TAFA1: variants seen among roughly 807,000 people sequenced by gnomAD.
The protein encoded by TAFA1 is chemokine-like protein TAFA-1.
A neutral mutation model predicts 18.5 loss-of-function variants in TAFA1; 4 were observed. That is an observed-to-expected ratio of 0.22 (90% CI 0.11 to 0.49). The LOEUF is 0.49. TAFA1 is among the 20% of genes least tolerant of loss of function. The pLI is 0.98. For synonymous variants in TAFA1, 56 were observed against 55.2 expected, an observed-to-expected ratio of 1.01 and a Z score of -0.06; for missense variants, 147 against 169.0, an observed-to-expected ratio of 0.87 and a Z score of 0.72.
At chr3:68,157,351 A>G (rs941557994) in intron 2 of TAFA1, among the ~76,000 whole-genome samples, 4 of 152,164 alleles carry the variant, frequency 2.6e-5, no homozygotes, top group Admixed American at 6.5e-5. Context: ...AATAATTGCA[A>G]TGAAGATGAT....
At chr3:68,404,217 C>G (rs1315319478) in intron 2 of TAFA1, among the ~76,000 whole-genome samples, 1 of 152,188 alleles carries the variant, frequency 6.6e-6, no homozygotes, top group Non-Finnish European at 1.5e-5. Flanking sequence ...GAAACCCAGT[C>G]AATGACCCCA....
At chr3:68,507,550 A>G (rs902639856) in intron 3 of TAFA1, among the ~76,000 whole-genome samples, 4 of 152,234 alleles carry the variant, frequency 2.6e-5, no homozygotes, top group Middle Eastern at 3.4e-3. Context: ...TGTGTTTGCA[A>G]TGAAGAAACA....
intron 2 of TAFA1, among the ~76,000 whole-genome samples, chr3:68,205,053 A>C (rs552184720): frequency 1.3e-5 from 2 of 151,998 alleles, no homozygotes; most frequent in African/African-American, 4.8e-5. Context: ...ATGTGTTGGA[A>C]TTCCATAACC....
At chr3:68,195,116 C>A (rs571453377) in intron 2 of TAFA1, among the ~76,000 whole-genome samples, 1 of 151,420 alleles carries the variant, frequency 6.6e-6, no homozygotes, top group East Asian at 2.0e-4. Context: ...GTGACTATAG[C>A]CTTAAATAGC....
intron 2 of TAFA1, among the ~76,000 whole-genome samples, chr3:68,108,069 T>G (rs2065223280): frequency 6.6e-6 from 1 of 152,168 alleles, no homozygotes; most frequent in Non-Finnish European, 1.5e-5. Flanking sequence ...GTTCTAATAC[T>G]TCTGACCAGG....
chr3:68,500,216 ATGT>A (rs1416764731), intron 3 of TAFA1, among the ~76,000 whole-genome samples: 1 of 152,154 alleles, frequency 6.6e-6, no homozygotes, highest in Non-Finnish European at 1.5e-5. Flanking sequence ...GGCTTAAGTC[ATGT>A]TGTGTTCTAA....
At chr3:68,260,994 TG>T (rs1286307487) in intron 2 of TAFA1, among the ~76,000 whole-genome samples, 1 of 151,684 alleles carries the variant, frequency 6.6e-6, no homozygotes, top group East Asian at 1.9e-4. Flanking sequence ...ACCTACAGAA[TG>T]GGAGAAAATT....
chr3:68,533,576 A>C (rs897457048), intron 3 of TAFA1, among the ~76,000 whole-genome samples: 1 of 152,182 alleles, frequency 6.6e-6, no homozygotes. Context: ...TAAAGTATGG[A>C]TTCGCCTTGT....
At chr3:68,426,455 G>A (rs373747925) in intron 3 of TAFA1, among the ~76,000 whole-genome samples, 20 of 151,792 alleles carry the variant, frequency 1.3e-4, no homozygotes, top group East Asian at 3.9e-4. Context: ...ATTTTTTAGC[G>A]CAGGGAAATA....
chr3:68,194,075 C>A (rs1485833098), intron 2 of TAFA1, among the ~76,000 whole-genome samples: 3 of 151,714 alleles, frequency 2.0e-5, no homozygotes, highest in Non-Finnish European at 4.4e-5. Flanking sequence ...CAGCAAAGGG[C>A]AGAAACTCAA....
chr3:68,463,676 C>A (rs1410705803), intron 3 of TAFA1, among the ~76,000 whole-genome samples: 1 of 152,142 alleles, frequency 6.6e-6, no homozygotes, highest in Admixed American at 6.6e-5. Context: ...TGTCCACATA[C>A]CCAAGGAGAA....
At chr3:68,319,598 G>A (rs1192210100) in intron 2 of TAFA1, among the ~76,000 whole-genome samples, 7 of 152,198 alleles carry the variant, frequency 4.6e-5, no homozygotes, top group African/African-American at 7.2e-5. Flanking sequence ...ACATGGATAC[G>A]CATTGCTGTT....
At chr3:68,134,610 C>T (rs537718857) in intron 2 of TAFA1, among the ~76,000 whole-genome samples, 1 of 152,238 alleles carries the variant, frequency 6.6e-6, no homozygotes, top group East Asian at 1.9e-4. Flanking sequence ...TTGGGTTTAG[C>T]TTTAAAAAAA....
At chr3:68,110,326 C>T (rs1575621238) in intron 2 of TAFA1, among the ~76,000 whole-genome samples, 1 of 152,166 alleles carries the variant, frequency 6.6e-6, no homozygotes, top group Admixed American at 6.5e-5. Context: ...TTTATGGCTG[C>T]ATAGTATTCC....
chr3:68,031,908 G>T (rs148894452), intron 2 of TAFA1, among the ~76,000 whole-genome samples: 1 of 152,044 alleles, frequency 6.6e-6, no homozygotes, highest in Non-Finnish European at 1.5e-5. Context: ...ATTGGGACGC[G>T]TTTTTTAATA....
At chr3:68,539,598 C>T (rs997389070) in intron 4 of TAFA1, among the ~76,000 whole-genome samples, 4 of 148,112 alleles carry the variant, frequency 2.7e-5, no homozygotes, top group African/African-American at 9.9e-5. Flanking sequence ...GTCTATTTGA[C>T]AAGTGTGGTC....
chr3:68,128,478 T>A (rs190108641), intron 2 of TAFA1, among the ~76,000 whole-genome samples: 59 of 152,300 alleles, frequency 3.9e-4, no homozygotes, highest in African/African-American at 1.3e-3. Context: ...ATGTTGTGTT[T>A]TAAAGGTCAA....
intron 3 of TAFA1, among the ~76,000 whole-genome samples, chr3:68,499,243 G>T (rs996047975): frequency 2.7e-5 from 4 of 145,482 alleles, no homozygotes; most frequent in Non-Finnish European, 6.1e-5. Flanking sequence ...ATTTTTCATA[G>T]AAACTCTTTA....
rs530102427 is a variant in TAFA1, at chr3:68,252,947, T to C, written c.119-164333T>C. 4.6e-5 allele frequency among the ~76,000 whole-genome samples: 7 copies of C among 152,290 alleles called. No individual in the cohort carries two copies. In the East Asian group the frequency reaches 1.4e-3, roughly 29 times the overall value. ...TGGTTTTATAAAGGCGAAGATCCCC[T>C]GCACAAACTCTCTTGCCAGGTGTCA... is the stretch of plus-strand genomic sequence containing the variant. On this transcript the variant is annotated intron_variant, in intron 2 of 4. Coordinates refer to ENST00000478136, the MANE Select transcript of TAFA1 (RefSeq NM_213609.4).
Sources: allele counts gnomAD v4.1 joint callset (sites outside exome capture counted in the v4.1 genomes callset), GRCh38; gene constraint gnomAD v4.1.1; transcripts MANE v1.5; gene names NCBI Gene and HGNC (gene_info 2026-07-23, HGNC 2026-07-21).